SLAMF6: variants seen among roughly 807,000 people sequenced by gnomAD.
SLAMF6 encodes SLAM family member 6.
A neutral mutation model predicts 38.3 loss-of-function variants in SLAMF6; 21 were observed. The observed-to-expected ratio is 0.55, with a 90% CI of 0.39 to 0.79. SLAMF6 has a LOEUF of 0.79. Among genes scored for constraint, SLAMF6 ranks in the 30% least tolerant of loss-of-function variants. The pLI, the probability that SLAMF6 is intolerant of heterozygous loss-of-function variation, is 0.00. For missense variants in SLAMF6, 341 were observed against 385.3 expected (o/e 0.89, Z 0.96); for synonymous variants, 152 against 146.3 (o/e 1.04, Z -0.28).
intron 1 of SLAMF6, among the ~76,000 whole-genome samples, chr1:160,500,334 A>G (rs1173933523): frequency 6.6e-6 from 1 of 152,168 alleles, no homozygotes; most frequent in Non-Finnish European, 1.5e-5. Flanking sequence ...CCTAATTCCT[A>G]TATTCTCCCC....
At chr1:160,521,969 A>G (rs927657992) in intron 1 of SLAMF6, among the ~76,000 whole-genome samples, 1 of 152,118 alleles carries the variant, frequency 6.6e-6, no homozygotes, top group African/African-American at 2.4e-5. Flanking sequence ...GAGGGCAGGA[A>G]TTTTTGCTTG....
chr1:160,496,497 A>G, intron 1 of SLAMF6, 104 bp from the exon 2 acceptor site: 1 of 1,091,056 alleles, frequency 9.2e-7, no homozygotes, highest in East Asian at 2.4e-5. Flanking sequence ...GCTCTCTGAT[A>G]CCAAAACTCA....
chr1:160,514,674 T>A (rs1654652235), intron 1 of SLAMF6, among the ~76,000 whole-genome samples: 1 of 152,060 alleles, frequency 6.6e-6, no homozygotes, highest in Non-Finnish European at 1.5e-5. Flanking sequence ...CACAGCATAA[T>A]CAAATTAGAA....
chr1:160,506,002 G>T (rs1394262256), intron 1 of SLAMF6, among the ~76,000 whole-genome samples: 2 of 151,912 alleles, frequency 1.3e-5, no homozygotes, highest in Non-Finnish European at 2.9e-5. Context: ...AATGTACAGT[G>T]CTTAAGAGAT....
At position 160,496,319 on chromosome 1, in the gene SLAMF6, G is replaced by A; in HGVS notation, c.124C>T (p.Leu42=). ...GILGESVTLP[L]EFPAGEKVNF... is the part of the protein sequence containing the mutation. The stretch of plus-strand genomic sequence containing the variant: ...ACCTTCTCTCCTGCAGGAAACTCCA[G>A]GGGAAGAGTTACTGACTCCCCCAGA... Residue 42 remains leucine (L), a synonymous_variant, in exon 2 of 8, where the codon CTG becomes TTG. Transcript: ENST00000368057. 1 of 1,613,982 alleles carries A rather than the reference G, an allele frequency of 6.2e-7. No homozygotes were observed. Among genetic ancestry groups the A allele is most frequent in the South Asian group, 1.1e-5 (1 of 91,084 alleles).
intron 1 of SLAMF6, among the ~76,000 whole-genome samples, chr1:160,506,150 T>C (rs915870516): frequency 2.6e-5 from 4 of 151,966 alleles, no homozygotes; most frequent in Admixed American, 1.3e-4. Flanking sequence ...AGACATGAAT[T>C]TATACATCCA....
intron 1 of SLAMF6, among the ~76,000 whole-genome samples, chr1:160,513,726 G>T (rs553948767): frequency 1.7e-4 from 26 of 152,248 alleles, no homozygotes; most frequent in Non-Finnish European, 3.2e-4. Flanking sequence ...TTAAAGAAAA[G>T]AATTTTCAAC....
At chr1:160,503,772 G>T (rs1338821016) in intron 1 of SLAMF6, among the ~76,000 whole-genome samples, 1 of 151,998 alleles carries the variant, frequency 6.6e-6, no homozygotes, top group African/African-American at 2.4e-5. Context: ...CTAGTCAAAG[G>T]TTTATAGCAA....
rs1652984036 is a variant in SLAMF6 at position 160,486,767 on chromosome 1, G to A, written c.952-13C>T. ...AAGTGGGTTTACTCTGTGGGAAAAAGAGGAAGATGAGGTAGGTTAATTGGA... is the reference window on the plus strand; with the variant it reads ...AAGTGGGTTTACTCTGTGGGAAAAAAAGGAAGATGAGGTAGGTTAATTGGA... On this transcript the variant is annotated splice_polypyrimidine_tract_variant and intron_variant, in intron 7 of 7. Transcript: ENST00000368057. 6.2e-7 allele frequency: 1 copy of A among 1,613,672 alleles called. No homozygotes were observed. The highest frequency in any genetic ancestry group is 8.5e-7 in the Non-Finnish European group (1 of 1,179,850).
Position 160,491,190 on chromosome 1 carries a change from G to T in SLAMF6, c.581C>A (p.Thr194Asn), listed in dbSNP as rs144974674. 1.9e-6 allele frequency: 3 copies of T among 1,614,098 alleles called. No individual in the cohort carries two copies. In the African/African-American group the frequency reaches 4.0e-5, roughly 22 times the overall value. The stretch of plus-strand genomic sequence containing the variant: ...ACTGACAGCATTCTCTGCTATGCAG[G>T]TGTAGTCCTGTTCACTGGAAATCCT... ...DPRISSEQDYTCIAENAVSNL... is the reference protein window; with the variant it reads ...DPRISSEQDYNCIAENAVSNL... Residue 194 changes from threonine to asparagine, a missense_variant, in exon 3 of 8, where the codon ACC becomes AAC. Transcript: ENST00000368057.
rs754041256 is a variant in SLAMF6, at chr1:160,487,155, A to G, written c.900T>C (p.Pro300=). 8 of 1,613,380 alleles carry G rather than the reference A, an allele frequency of 5.0e-6. No homozygotes were observed. Among genetic ancestry groups the G allele is most frequent in the African/African-American group, 4.0e-5 (3 of 74,994 alleles). The change falls in exon 7 of 8, where the codon CCT becomes CCC. Residue 300 remains proline, a synonymous_variant. Coordinates refer to ENST00000368057, the MANE Select transcript of SLAMF6 (RefSeq NM_001184714.2). ...HSNRETEIWT[P]RENDTITIYS... ...AAATTGTGATAGTATCATTTTCTCT[A>G]GGTGTCCAGATTTCTGTTTCCTGTA...
rs1220192923 is a variant in SLAMF6, at chr1:160,487,185, G to T, written c.880-10C>A. 6.2e-7 allele frequency: 1 copy of T among 1,611,414 alleles called. No homozygotes were observed. Among genetic ancestry groups the T allele is most frequent in the African/African-American group, 1.3e-5 (1 of 74,776 alleles). On this transcript the variant is annotated splice_polypyrimidine_tract_variant and intron_variant, in intron 6 of 7. Coordinates refer to ENST00000368057, the MANE Select transcript of SLAMF6 (RefSeq NM_001184714.2). ...TCCAGATTTCTGTTTCCTGTAAAAAGAATCATACCAATTTGGCTTACACAG... is the reference window on the plus strand; with the variant it reads ...TCCAGATTTCTGTTTCCTGTAAAAATAATCATACCAATTTGGCTTACACAG...
At chr1:160,504,142 G>A in intron 1 of SLAMF6, among the ~76,000 whole-genome samples, 1 of 151,984 alleles carries the variant, frequency 6.6e-6, no homozygotes, top group South Asian at 2.1e-4. Flanking sequence ...GGGAGATGTA[G>A]GTCACAGGGT....
chr1:160,487,566 A>C (rs1653031500), intron 6 of SLAMF6, among the ~76,000 whole-genome samples: 1 of 152,160 alleles, frequency 6.6e-6, no homozygotes, highest in Admixed American at 6.5e-5. Flanking sequence ...CTATGACTGA[A>C]ACTACCCATT....
At chr1:160,494,265 A>T in intron 2 of SLAMF6, among the ~76,000 whole-genome samples, 1 of 152,282 alleles carries the variant, frequency 6.6e-6, no homozygotes, top group East Asian at 1.9e-4. Flanking sequence ...CCTGAAAGAG[A>T]TCAGCATTGA....
chr1:160,494,434 A>C (rs778642843), intron 2 of SLAMF6, among the ~76,000 whole-genome samples: 1 of 152,148 alleles, frequency 6.6e-6, no homozygotes, highest in Non-Finnish European at 1.5e-5. Context: ...TGCCTTGATA[A>C]TTACTGGTCA....
chr1:160,517,375 T>C (rs1296568474), intron 1 of SLAMF6, among the ~76,000 whole-genome samples: 1 of 152,218 alleles, frequency 6.6e-6, no homozygotes, highest in Non-Finnish European at 1.5e-5. Context: ...TGTGAGGTTC[T>C]GGAGAAATAG....
chr1:160,518,351 C>A (rs530933002), intron 1 of SLAMF6, among the ~76,000 whole-genome samples: 10 of 152,150 alleles, frequency 6.6e-5, no homozygotes, highest in Non-Finnish European at 1.3e-4. Flanking sequence ...AATGCGGGGA[C>A]TCCTCAAAGA....
At chr1:160,499,561 A>T (rs907036660) in intron 1 of SLAMF6, among the ~76,000 whole-genome samples, 10 of 152,150 alleles carry the variant, frequency 6.6e-5, no homozygotes, top group Admixed American at 5.2e-4. Context: ...TTGGTTCCAT[A>T]TGAATTTTAG....
Sources: allele counts gnomAD v4.1 joint callset (sites outside exome capture counted in the v4.1 genomes callset), GRCh38; gene constraint gnomAD v4.1.1; transcripts MANE v1.5; gene names NCBI Gene and HGNC (gene_info 2026-07-23, HGNC 2026-07-21).